The following ZNF234 variants were observed in gnomAD, a reference collection of about 807,000 sequenced individuals.
ZNF234 encodes the protein C2-H2 type zinc finger protein.
In ZNF234, 4 loss-of-function variants were observed where a neutral mutation model predicts 10.3. The observed-to-expected ratio is 0.39, with a 90% CI of 0.19 to 0.89. The LOEUF (loss-of-function observed/expected upper bound fraction) is 0.89. ZNF234 is among the 40% of genes least tolerant of loss of function. The pLI is 0.38. For synonymous variants in ZNF234, 258 were observed against 280.1 expected, an observed-to-expected ratio of 0.92 and a Z score of 0.79; for missense variants, 711 against 836.1, an observed-to-expected ratio of 0.85 and a Z score of 1.85.
chr19:44,160,062 G>C lies in ZNF234; in HGVS notation c.*1943G>C, dbSNP rs988765740. On this transcript the variant is annotated 3_prime_UTR_variant, in exon 6 of 6. Transcript: ENST00000426739. ...AAAAAAAAAAAACTTCTGAGGTAGG[G>C]GCTGTACCATATTTTTGCCCCACAC... is the stretch of plus-strand genomic sequence containing the variant. 6.6e-6 allele frequency: 1 copy of C among 151,860 alleles called. No individual in the cohort carries two copies. The highest frequency in any genetic ancestry group is 1.5e-5 in the Non-Finnish European group (1 of 67,986). The allele number at this position is 151,860 out of a possible 1,614,324, so 9.4% of individuals were successfully genotyped here.
intron 4 of ZNF234, chr19:44,149,899 C>A (rs1452644349): frequency 1.3e-5 from 2 of 152,238 alleles, no homozygotes; most frequent in African/African-American, 4.8e-5. Flanking sequence ...GAAACCTTTT[C>A]CTGGGAGCCC....
chr19:44,143,594 G>A (rs1234160789), intron 2 of ZNF234, among the ~76,000 whole-genome samples: 4 of 142,236 alleles, frequency 2.8e-5, no homozygotes, highest in Non-Finnish European at 4.5e-5. Context: ...GGGCAACAGC[G>A]CAAGACTCTG....
chr19:44,151,612 C>T (rs752318599), intron 5 of ZNF234, among the ~76,000 whole-genome samples: 10 of 151,950 alleles, frequency 6.6e-5, no homozygotes, highest in Non-Finnish European at 1.2e-4. Context: ...GGTCTCACTA[C>T]GCTGAAATCA....
At chr19:44,143,616 G>GAAAAAA (rs61062157) in intron 2 of ZNF234, among the ~76,000 whole-genome samples, 1 of 111,884 alleles carries the variant, frequency 8.9e-6, no homozygotes, top group Non-Finnish European at 2.0e-5. Context: ...CTCAGAAAAA[G>GAAAAAA]AAAAAAAAAA....
chr19:44,156,600 A>C lies in ZNF234; in HGVS notation c.584A>C (p.Gln195Pro), dbSNP rs1275404779. Residue 195 changes from glutamine (Q) to proline (P), a missense_variant, in exon 6 of 6, where the codon CAA becomes CCA. Coordinates refer to ENST00000426739, the MANE Select transcript of ZNF234 (RefSeq NM_006630.3). ...TACATCTCAGCCCTTCATATTCATC[A>C]AAGAGTCCACATGGGAGAGAAATGC... is the stretch of plus-strand genomic sequence containing the variant. ...FCYISALHIH[Q>P]RVHMGEKCYK... 1.2e-6 allele frequency: 2 copies of C among 1,614,222 alleles called. No individual in the cohort carries two copies. The highest frequency in any genetic ancestry group is 3.3e-5 in the Admixed American group (2 of 60,022).
At chr19:44,148,962 T>A (rs182403374) in intron 4 of ZNF234, 65 bp downstream of exon 4, 1 of 1,539,346 alleles carries the variant, frequency 6.5e-7, no homozygotes, top group Non-Finnish European at 8.7e-7. Context: ...TCTTCAGGGG[T>A]TCAACACTTT....
intron 5 of ZNF234, among the ~76,000 whole-genome samples, chr19:44,151,252 G>T (rs932222481): frequency 6.6e-5 from 10 of 152,022 alleles, no homozygotes; most frequent in Admixed American, 6.6e-5. Context: ...GCCCAGGCTG[G>T]AGTATAGTGG....
In ZNF234 at chr19:44,159,339, G is replaced by A; in HGVS notation, c.*1220G>A. ...CCACGGGCACGTGCCACCACACCCA[G>A]CTAATTTTTGTATGTTTGGTAGAGA... On this transcript the variant is annotated 3_prime_UTR_variant, in exon 6 of 6. Coordinates refer to ENST00000426739, the MANE Select transcript of ZNF234 (RefSeq NM_006630.3). The A allele has an allele frequency of 5.2e-6, 1 of 193,174 alleles. No individual in the cohort carries two copies. Among genetic ancestry groups the A allele is most frequent in the South Asian group, 7.8e-5 (1 of 12,846 alleles). The allele number at this position is 193,174 out of a possible 1,614,324, so 12.0% of individuals were successfully genotyped here.
Position 44,156,884 on chromosome 19 carries a change from T to C in ZNF234, c.868T>C (p.Cys290Arg), listed in dbSNP as rs759366194. ...TCATACTGGGGAGAAACCATTCAAATGTGATACATGTGGTAAGAACTTCCG... is the reference window on the plus strand; with the variant it reads ...TCATACTGGGGAGAAACCATTCAAACGTGATACATGTGGTAAGAACTTCCG... ...RIHTGEKPFK[C>R]DTCGKNFRRR... The change falls in exon 6 of 6, where the codon TGT (cysteine) becomes CGT (arginine). Residue 290 changes from cysteine (C) to arginine (R), a missense_variant. Cys to Arg is a radical substitution (Grantham distance 180). Transcript: ENST00000426739. 4 of 1,613,776 alleles carry C rather than the reference T, an allele frequency of 2.5e-6. No homozygotes were observed. Among genetic ancestry groups the C allele is most frequent in the Non-Finnish European group, 3.4e-6 (4 of 1,179,754 alleles).
At position 44,160,077 on chromosome 19, in the gene ZNF234, T is replaced by C. The variant is rs1968997240; in HGVS notation, c.*1958T>C. 2 of 152,146 alleles carry C rather than the reference T, an allele frequency of 1.3e-5. No homozygotes were observed. Among genetic ancestry groups the C allele is most frequent in the Non-Finnish European group, 2.9e-5 (2 of 68,040 alleles). The allele number at this position is 152,146 out of a possible 1,614,324, so 9.4% of individuals were successfully genotyped here. On this transcript the variant is annotated 3_prime_UTR_variant, in exon 6 of 6. Transcript: ENST00000426739. ...CTGAGGTAGGGGCTGTACCATATTT[T>C]TGCCCCACACCCATTAAGCGAATAC...
At chr19:44,154,360 C>T (rs1169242262) in intron 5 of ZNF234, among the ~76,000 whole-genome samples, 2 of 151,316 alleles carry the variant, frequency 1.3e-5, no homozygotes, top group Admixed American at 1.3e-4. Context: ...TAGAATAATA[C>T]ATGTTATCAG....
chr19:44,155,449 A>G (rs1306909313), intron 5 of ZNF234, among the ~76,000 whole-genome samples: 4 of 152,248 alleles, frequency 2.6e-5, no homozygotes, highest in Non-Finnish European at 5.9e-5. Context: ...TATTCTTACA[A>G]TAAAGGAAGA....
In ZNF234 at chr19:44,158,408, T is replaced by C; in HGVS notation, c.*289T>C. 2.6e-6 allele frequency: 1 copy of C among 383,484 alleles called. No homozygotes were observed. Among genetic ancestry groups the C allele is most frequent in the Non-Finnish European group, 4.9e-6 (1 of 203,232 alleles). 23.8% of individuals were successfully genotyped at this position (383,484 alleles called of 1,614,324 possible). A position where few individuals can be genotyped will look rare whatever the true frequency, so the allele number is the denominator to read the frequency against. On this transcript the variant is annotated 3_prime_UTR_variant, in exon 6 of 6. Coordinates refer to ENST00000426739, the MANE Select transcript of ZNF234 (RefSeq NM_006630.3). ...ACAGGTGCACACCACCACGCCTGGCTAATTTTTGTATTTTTAGTAGAGATG... is the reference window on the plus strand; with the variant it reads ...ACAGGTGCACACCACCACGCCTGGCCAATTTTTGTATTTTTAGTAGAGATG...
intron 2 of ZNF234, 87 bp from the exon 3 acceptor site, chr19:44,144,470 C>T: frequency 2.1e-6 from 1 of 484,288 alleles, no homozygotes. Flanking sequence ...CCACCGTGAC[C>T]ATTCGTGTGC....
At chr19:44,150,541 T>C in intron 5 of ZNF234, 36 bp downstream of exon 5, 2 of 1,508,970 alleles carry the variant, frequency 1.3e-6, no homozygotes, top group Non-Finnish European at 1.8e-6. Flanking sequence ...TTGTACGTGA[T>C]TGTCCATCTG....
intron 2 of ZNF234, among the ~76,000 whole-genome samples, chr19:44,143,624 A>G (rs1968522692): frequency 6.6e-6 from 1 of 151,114 alleles, no homozygotes; most frequent in Non-Finnish European, 1.5e-5. Context: ...AAGAAAAAAA[A>G]AAAAAAAAGA....
At chr19:44,153,165 C>CACATATATATATATATATATATAT (rs1968786767) in intron 5 of ZNF234, among the ~76,000 whole-genome samples, 1 of 97,890 alleles carries the variant, frequency 1.0e-5, no homozygotes, top group Non-Finnish European at 2.0e-5. Context: ...ATGTATTCAT[C>CACATATATATATATATATATATAT]ATATATATAT....
At chr19:44,154,907 G>T (rs1968843160) in intron 5 of ZNF234, among the ~76,000 whole-genome samples, 1 of 152,076 alleles carries the variant, frequency 6.6e-6, no homozygotes, top group African/African-American at 2.4e-5. Context: ...AACATGCTTG[G>T]ATTACAGATG....
intron 3 of ZNF234, among the ~76,000 whole-genome samples, chr19:44,146,452 A>G (rs1968594503): frequency 6.6e-6 from 1 of 152,162 alleles, no homozygotes; most frequent in African/African-American, 2.4e-5. Flanking sequence ...TGTCAATTCT[A>G]CTAATAAGTG....
Sources: allele counts gnomAD v4.1 joint callset (sites outside exome capture counted in the v4.1 genomes callset), GRCh38; gene constraint gnomAD v4.1.1; transcripts MANE v1.5; gene names NCBI Gene and HGNC (gene_info 2026-07-23, HGNC 2026-07-21).